Variants in MIDEAS observed in about 807,000 individuals in gnomAD.
The protein encoded by MIDEAS is mitotic deacetylase associated SANT domain protein.
A neutral mutation model predicts 102.7 loss-of-function variants in MIDEAS; 26 were observed. The ratio of observed to expected loss-of-function variants is 0.25; its 90% CI spans 0.19 to 0.35. The LOEUF (loss-of-function observed/expected upper bound fraction) is 0.35. Among genes scored for constraint, MIDEAS ranks in the 10% least tolerant of loss-of-function variants. The pLI, the probability that MIDEAS is intolerant of heterozygous loss-of-function variation, is 1.00. For missense variants in MIDEAS, 1,231 were observed against 1,435.6 expected, an observed-to-expected ratio of 0.86 and a Z score of 2.30; for synonymous variants, 585 against 591.0, an observed-to-expected ratio of 0.99 and a Z score of 0.15.
intron 11 of MIDEAS, among the ~76,000 whole-genome samples, 170 bp downstream of exon 11, chr14:73,721,127 C>T (rs911163896): frequency 1.3e-5 from 2 of 152,180 alleles, no homozygotes; most frequent in Non-Finnish European, 2.9e-5. Flanking sequence ...TAATACCTAA[C>T]CACATAGGGT....
At chr14:73,782,413 T>A (rs562709014) in intron 1 of MIDEAS, among the ~76,000 whole-genome samples, 1 of 152,324 alleles carries the variant, frequency 6.6e-6, no homozygotes, top group African/African-American at 2.4e-5. Flanking sequence ...TCACCCAAGC[T>A]GGAGTGCAGT....
intron 1 of MIDEAS, among the ~76,000 whole-genome samples, chr14:73,756,302 G>A (rs1413067297): frequency 2.9e-5 from 3 of 104,500 alleles, no homozygotes; most frequent in African/African-American, 5.8e-5. Context: ...GTGTGCGCGC[G>A]CGCGTGCGCG....
In MIDEAS at chr14:73,718,983, T is replaced by C; in HGVS notation, c.3160A>G (p.Ser1054Gly). Residue 1054 changes from serine (S) to glycine (G), a missense_variant, in exon 13 of 13, where the codon AGT becomes GGT. Around this residue, in one of 5 missense-constraint regions of MIDEAS, gnomAD observed 6 missense variants for 17.3 expected, o/e 0.35. Coordinates refer to ENST00000423556, the MANE Select transcript of MIDEAS (RefSeq NM_001367710.1). ...TCTGCGTGGCTCTTCATATGCGCAC[T>C]GCGGCTCTTCACCTTGTAAAACACC... ...GRVFYKVKSRSAHMKSHAEQE... is the reference protein window; with the variant it reads ...GRVFYKVKSRGAHMKSHAEQE... 6.6e-7 allele frequency: 1 copy of C among 1,505,970 alleles called. No individual in the cohort carries two copies. The highest frequency in any genetic ancestry group is 8.8e-7 in the Non-Finnish European group (1 of 1,134,412). The allele number at this position is 1,505,970 out of a possible 1,614,324, so 93.3% of individuals were successfully genotyped here.
Position 73,716,107 on chromosome 14 carries a change from G to A in MIDEAS, c.*2736C>T, listed in dbSNP as rs45445698. 35,787 of 152,154 alleles carry A rather than the reference G, an allele frequency of 0.24. 5,122 individuals are homozygous for A. The highest frequency in any genetic ancestry group is 0.33 in the Non-Finnish European group (22,583 of 67,920). The allele number at this position is 152,154 out of a possible 1,614,324, so 9.4% of individuals were successfully genotyped here. ...TCTCAAGGAGCTCTGAATATAGGGG[G>A]AAAAAAACAACAAAAAGACAAGCCC... On this transcript the variant is annotated 3_prime_UTR_variant, in exon 13 of 13. Coordinates refer to ENST00000423556, the MANE Select transcript of MIDEAS (RefSeq NM_001367710.1).
chr14:73,718,736 C>T lies in MIDEAS; in HGVS notation c.*107G>A. ...TCATTTGTTTCGCAGGGAAAAGTCC[C>T]TGCAATCCTCTCCTCACTCCCTCTT... On this transcript the variant is annotated 3_prime_UTR_variant, in exon 13 of 13. Transcript: ENST00000423556. 8.5e-7 allele frequency: 1 copy of T among 1,178,850 alleles called. No individual in the cohort carries two copies. Among genetic ancestry groups the T allele is most frequent in the Non-Finnish European group, 1.1e-6 (1 of 911,964 alleles). 73.0% of individuals were successfully genotyped at this position (1,178,850 alleles called of 1,614,324 possible).
Position 73,739,971 on chromosome 14 carries a change from C to T in MIDEAS, c.38G>A (p.Arg13Gln), listed in dbSNP as rs765678219. ...CTGGCCCCCGAAGAGGCAACGCTTC[C>T]GCTTGTTCTGAGCCTTGGGCTGGGC... ...LQAQPKAQNK[R>Q]KRCLFGGQEP... The change falls in exon 2 of 13, where the codon CGG (arginine) becomes CAG (glutamine). Residue 13 changes from arginine (R) to glutamine (Q), a missense_variant. Physicochemically the swap from Arg to Gln is conservative, Grantham distance 43. Coordinates refer to ENST00000423556, the MANE Select transcript of MIDEAS (RefSeq NM_001367710.1). 7.3e-6 allele frequency: 11 copies of T among 1,510,362 alleles called. No individual in the cohort carries two copies. Among genetic ancestry groups the T allele is most frequent in the Admixed American group, 2.3e-5 (1 of 43,838 alleles). The allele number at this position is 1,510,362 out of a possible 1,614,324, so 93.6% of individuals were successfully genotyped here. A position where few individuals can be genotyped will look rare whatever the true frequency, so the allele number is the denominator to read the frequency against.
At chr14:73,768,765 G>A (rs940486452) in intron 1 of MIDEAS, among the ~76,000 whole-genome samples, 6 of 152,070 alleles carry the variant, frequency 3.9e-5, no homozygotes, top group Admixed American at 3.3e-4. Flanking sequence ...AATTACAGGC[G>A]TGAGCCACTG....
chr14:73,722,547 C>A (rs974845497), intron 10 of MIDEAS, 151 bp downstream of exon 10: 42 of 787,032 alleles, frequency 5.3e-5, no homozygotes, highest in Non-Finnish European at 6.7e-5. Flanking sequence ...GAGAACCCAG[C>A]GGTCCAGGGC....
intron 1 of MIDEAS, among the ~76,000 whole-genome samples, chr14:73,781,728 CTG>C (rs1185673614): frequency 1.5e-5 from 1 of 65,050 alleles, no homozygotes; most frequent in Non-Finnish European, 2.7e-5. Flanking sequence ...GAGCGAAACT[CTG>C]TCTCAAAAAA....
At chr14:73,749,370 CAAAAAA>C (rs66510432) in intron 1 of MIDEAS, among the ~76,000 whole-genome samples, 3 of 80,678 alleles carry the variant, frequency 3.7e-5, no homozygotes, top group Non-Finnish European at 7.8e-5. Context: ...CGTGTCTCTA[CAAAAAA>C]AAAAAAAAAA....
intron 11 of MIDEAS, among the ~76,000 whole-genome samples, 158 bp downstream of exon 11, chr14:73,721,139 G>GT (rs2052983022): frequency 6.6e-6 from 1 of 152,198 alleles, no homozygotes; most frequent in Non-Finnish European, 1.5e-5. Context: ...ACATAGGGTA[G>GT]TGAGGATTAA....
Position 73,742,959 on chromosome 14 carries a change from T to C in MIDEAS, c.-247-2704A>G, listed in dbSNP as rs2053301941. Among the ~76,000 whole-genome samples the C allele has an allele frequency of 6.6e-6, 1 of 152,156 alleles. No individual in the cohort carries two copies. The highest frequency in any genetic ancestry group is 2.4e-5 in the African/African-American group (1 of 41,418). On this transcript the variant is annotated intron_variant, in intron 1 of 12. Coordinates refer to ENST00000423556, the MANE Select transcript of MIDEAS (RefSeq NM_001367710.1). The surrounding 1 kb of genome is among the most constrained non-coding windows in gnomAD (Gnocchi z 4.4). ...CTTTATATCCTTTAAATTCCCACCA[T>C]GGCCTTATAAGGCAGGAGTTGCGAT...
In MIDEAS at chr14:73,716,682, C is replaced by CAAAAAAAA. The variant is rs750452207; in HGVS notation, c.*2153_*2160dup. The CAAAAAAAA allele has an allele frequency of 1.4e-5, 1 of 71,766 alleles. No homozygotes were observed. The highest frequency in any genetic ancestry group is 6.0e-5 in the African/African-American group (1 of 16,614). 4.4% of individuals were successfully genotyped at this position (71,766 alleles called of 1,614,324 possible). On this transcript the variant is annotated 3_prime_UTR_variant, in exon 13 of 13. Transcript: ENST00000423556. ...TGGGCGACAGAATGAGACTCTGTCT[C>CAAAAAAAA]AAAAAAAAAAAAAAAAAAAAAAAAA... is the stretch of plus-strand genomic sequence containing the variant.
chr14:73,787,364 C>A, upstream of MIDEAS: 1 of 151,736 alleles, frequency 6.6e-6, no homozygotes, highest in South Asian at 2.0e-4. Context: ...TGCGCGCCCT[C>A]GGCTGCGGGG....
intron 1 of MIDEAS, among the ~76,000 whole-genome samples, chr14:73,777,311 T>C (rs2053700679): frequency 6.6e-6 from 1 of 151,884 alleles, no homozygotes; most frequent in East Asian, 1.9e-4. Flanking sequence ...TTTCCACAAG[T>C]CCTGATCAAT....
intron 6 of MIDEAS, 23 bp downstream of exon 6, chr14:73,726,807 G>T: frequency 6.2e-7 from 1 of 1,605,940 alleles, no homozygotes. Context: ...GCCCTCACTT[G>T]CTGCCCCCAG....
chr14:73,784,505 A>G (rs547141102), intron 1 of MIDEAS, among the ~76,000 whole-genome samples: 2 of 152,072 alleles, frequency 1.3e-5, no homozygotes, highest in African/African-American at 4.8e-5. Flanking sequence ...TCCCAGCTAC[A>G]CTCTGGAGGG....
Position 73,725,375 on chromosome 14 carries a change from G to C in MIDEAS, c.2486-15C>G. 6.2e-7 allele frequency: 1 copy of C among 1,612,506 alleles called. No individual in the cohort carries two copies. On this transcript the variant is annotated splice_polypyrimidine_tract_variant and intron_variant, in intron 8 of 12. Coordinates refer to ENST00000423556, the MANE Select transcript of MIDEAS (RefSeq NM_001367710.1). The surrounding 1 kb of genome is among the most constrained non-coding windows in gnomAD (Gnocchi z 4.1). ...CTGGTCAGAGCCTATGGGGCAAAGA[G>C]GCAGCCAGGGAGTGAGGTGGGCAGG...
chr14:73,719,694 C>T (rs2052957298), intron 11 of MIDEAS, among the ~76,000 whole-genome samples, 193 bp from the exon 12 acceptor site: 1 of 151,716 alleles, frequency 6.6e-6, no homozygotes, highest in African/African-American at 2.4e-5. Context: ...TCAGCTCTAT[C>T]GTTTACAAAG....
Sources: allele counts gnomAD v4.1 joint callset (sites outside exome capture counted in the v4.1 genomes callset), GRCh38; gene constraint gnomAD v4.1.1; regional missense constraint gnomAD v4.1.1; non-coding constraint Gnocchi (gnomAD v3.1); transcripts MANE v1.5; gene names NCBI Gene and HGNC (gene_info 2026-07-23, HGNC 2026-07-21).